The following ZNF248 variants were observed in gnomAD, a reference collection of about 807,000 sequenced individuals.
The protein encoded by ZNF248 is zinc finger protein 248, also known as KRAB protein domain.
In ZNF248, 20 loss-of-function variants were observed where a neutral mutation model predicts 44.3. That is an observed-to-expected ratio of 0.45 (90% CI 0.32 to 0.66). The LOEUF is 0.66. Among genes scored for constraint, ZNF248 ranks in the 30% least tolerant of loss-of-function variants. The probability of loss-of-function intolerance (pLI) is 0.04; values close to 1 mark genes in which losing one functional copy is unlikely to be tolerated. For synonymous variants in ZNF248, 224 were observed against 229.0 expected, an observed-to-expected ratio of 0.98 and a Z score of 0.20; for missense variants, 654 against 677.0, an observed-to-expected ratio of 0.97 and a Z score of 0.38.
At position 37,832,394 on chromosome 10, in the gene ZNF248, T is replaced by C. The variant is rs1274892409; in HGVS notation, c.961A>G (p.Arg321Gly). The change falls in exon 6 of 6, where the codon AGA (arginine) becomes GGA (glycine). Residue 321 changes from arginine to glycine, a missense_variant. By Grantham distance (125) the Arg-to-Gly change is moderately radical. Transcript: ENST00000395867. ...AFIIHQGAYTRKILREYKVSD... is the reference protein window; with the variant it reads ...AFIIHQGAYTGKILREYKVSD... ...ACTTTATATTCACGGAGAATCTTTC[T>C]TGTGTAAGCTCCCTGATGGATAATG... 16 of 1,613,936 alleles carry C rather than the reference T, an allele frequency of 9.9e-6. No homozygotes were observed. The highest frequency in any genetic ancestry group is 1.3e-5 in the African/African-American group (1 of 74,924).
intron 6 of ZNF248, among the ~76,000 whole-genome samples, chr10:37,811,537 G>T (rs2051490905): frequency 6.6e-6 from 1 of 151,874 alleles, no homozygotes; most frequent in South Asian, 2.1e-4. Context: ...AAGATGTTTG[G>T]CTTTAGAAAT....
At chr10:37,800,472 G>C (rs1420197195) in intron 6 of ZNF248, among the ~76,000 whole-genome samples, 1 of 152,156 alleles carries the variant, frequency 6.6e-6, no homozygotes, top group Non-Finnish European at 1.5e-5. Context: ...TGGCTGCATA[G>C]TATTTCATGG....
chr10:37,813,044 G>A (rs1305281992), intron 6 of ZNF248, among the ~76,000 whole-genome samples: 3 of 142,044 alleles, frequency 2.1e-5, no homozygotes, highest in African/African-American at 7.4e-5. Context: ...AAAAAAAGGT[G>A]GTGGAAGCAG....
intron 3 of ZNF248, among the ~76,000 whole-genome samples, chr10:37,853,318 C>T (rs1360332348): frequency 6.6e-6 from 1 of 152,084 alleles, no homozygotes; most frequent in African/African-American, 2.4e-5. Context: ...AGATCAATTG[C>T]CTTCAAGGGG....
intron 3 of ZNF248, among the ~76,000 whole-genome samples, chr10:37,851,395 T>C (rs769703569): frequency 1.3e-5 from 2 of 152,174 alleles, no homozygotes; most frequent in African/African-American, 2.4e-5. Context: ...ATTTATTTGC[T>C]TTCCCCCAAG....
chr10:37,842,387 A>T (rs900102906), intron 3 of ZNF248, among the ~76,000 whole-genome samples: 1 of 152,216 alleles, frequency 6.6e-6, no homozygotes, highest in African/African-American at 2.4e-5. Flanking sequence ...AACCAAGTAG[A>T]TGCCAAATCA....
intron 6 of ZNF248, among the ~76,000 whole-genome samples, chr10:37,779,256 A>G (rs1002930051): frequency 6.6e-6 from 1 of 152,268 alleles, no homozygotes; most frequent in Non-Finnish European, 1.5e-5. Flanking sequence ...ATTGATGCTA[A>G]AATCCTCAAT....
In ZNF248 at chr10:37,830,607, T is replaced by C. The variant is rs1196885390; in HGVS notation, c.*1008A>G. 3 of 985,126 alleles carry C rather than the reference T, an allele frequency of 3.0e-6. No homozygotes were observed. The highest frequency in any genetic ancestry group is 3.6e-6 in the Non-Finnish European group (3 of 829,786). 61.0% of individuals were successfully genotyped at this position (985,126 alleles called of 1,614,324 possible). A position where few individuals can be genotyped will look rare whatever the true frequency, so the allele number is the denominator to read the frequency against. The stretch of plus-strand genomic sequence containing the variant: ...GTATTGCCAAATACGTTTTCATATA[T>C]ACACAGTGATGTGCTGTAAATATTT... On this transcript the variant is annotated 3_prime_UTR_variant, in exon 6 of 6. Coordinates refer to ENST00000395867, the MANE Select transcript of ZNF248 (RefSeq NM_021045.3).
At chr10:37,777,517 G>A (rs919262527) in intron 6 of ZNF248, among the ~76,000 whole-genome samples, 4 of 149,164 alleles carry the variant, frequency 2.7e-5, no homozygotes, top group African/African-American at 7.4e-5. Flanking sequence ...TTACTGCATT[G>A]CAGCCTGGTC....
intron 3 of ZNF248, among the ~76,000 whole-genome samples, chr10:37,842,649 C>G (rs2058548194): frequency 1.3e-5 from 2 of 152,092 alleles, no homozygotes; most frequent in Admixed American, 1.3e-4. Flanking sequence ...TCACCTAACT[C>G]AGAACTCATT....
At chr10:37,786,906 A>T in intron 6 of ZNF248, among the ~76,000 whole-genome samples, 1 of 152,186 alleles carries the variant, frequency 6.6e-6, no homozygotes, top group East Asian at 1.9e-4. Flanking sequence ...TTGGTAGCTC[A>T]TGTTTTAGGT....
chr10:37,856,490 G>A lies in ZNF248; in HGVS notation c.-83C>T. On this transcript the variant is annotated 5_prime_UTR_variant, in exon 2 of 6. Coordinates refer to ENST00000395867, the MANE Select transcript of ZNF248 (RefSeq NM_021045.3). ...GCTCAGACATGACACTTTTCACTGA[G>A]TGAATGTAAATATTTCTTATTGATT... 7.9e-7 allele frequency: 1 copy of A among 1,263,944 alleles called. No individual in the cohort carries two copies. The highest frequency in any genetic ancestry group is 1.0e-6 in the Non-Finnish European group (1 of 1,001,784). The allele number at this position is 1,263,944 out of a possible 1,614,324, so 78.3% of individuals were successfully genotyped here. A position where few individuals can be genotyped will look rare whatever the true frequency, so the allele number is the denominator to read the frequency against.
the ZNF248 span, among the ~76,000 whole-genome samples, chr10:37,759,257 C>T: frequency 0.11 from 16,570 of 152,212 alleles, 1,162 homozygotes; most frequent in Admixed American, 0.19. Flanking sequence ...CAGTCTGAGC[C>T]ATCTGAGAGT....
downstream of ZNF248, among the ~76,000 whole-genome samples, chr10:37,772,265 G>GA (rs36082673): frequency 0.041 from 4,877 of 119,440 alleles, 198 homozygotes; most frequent in African/African-American, 0.12. Flanking sequence ...ACTGTCTCAA[G>GA]AAAAAAAAAA....
intron 6 of ZNF248, chr10:37,795,618 T>C (rs906537385): frequency 2.6e-5 from 4 of 152,226 alleles, no homozygotes; most frequent in Admixed American, 2.6e-4. Flanking sequence ...TTATGACTGA[T>C]ATCCTTTCCA....
chr10:37,781,494 T>C (rs562076112), intron 6 of ZNF248, among the ~76,000 whole-genome samples: 68 of 152,310 alleles, frequency 4.5e-4, no homozygotes, highest in Admixed American at 1.4e-3. Context: ...AGTTTTCTTT[T>C]TCATGTAAAA....
downstream of ZNF248, among the ~76,000 whole-genome samples, chr10:37,827,323 G>A (rs568871237): frequency 1.3e-5 from 2 of 152,278 alleles, no homozygotes; most frequent in South Asian, 2.1e-4. Context: ...CAGGCTTACC[G>A]GTAAGGCCCA....
intron 6 of ZNF248, among the ~76,000 whole-genome samples, chr10:37,822,392 A>G (rs1189660885): frequency 6.6e-6 from 1 of 152,048 alleles, no homozygotes; most frequent in Admixed American, 6.6e-5. Flanking sequence ...ACTTGGAAAA[A>G]CTATATATAT....
Position 37,830,197 on chromosome 10 carries a change from A to G in ZNF248, c.*1418T>C. On this transcript the variant is annotated 3_prime_UTR_variant, in exon 6 of 6. Coordinates refer to ENST00000395867, the MANE Select transcript of ZNF248 (RefSeq NM_021045.3). Reference sequence around the variant, plus strand: ...AGGAGTGCAGTGTTACTGCTTGTTAACCTTTGCATAATTTATGTAAAAACC... The same window carrying G: ...AGGAGTGCAGTGTTACTGCTTGTTAGCCTTTGCATAATTTATGTAAAAACC... The G allele has an allele frequency of 1.0e-6, 1 of 985,362 alleles. No homozygotes were observed. Among genetic ancestry groups the G allele is most frequent in the Non-Finnish European group, 1.2e-6 (1 of 829,920 alleles). The allele number at this position is 985,362 out of a possible 1,614,324, so 61.0% of individuals were successfully genotyped here.
Sources: allele counts gnomAD v4.1 joint callset (sites outside exome capture counted in the v4.1 genomes callset), GRCh38; gene constraint gnomAD v4.1.1; transcripts MANE v1.5; gene names NCBI Gene and HGNC (gene_info 2026-07-23, HGNC 2026-07-21).